The following SEC23B variants were observed in gnomAD, a reference collection of about 807,000 sequenced individuals.
The protein encoded by SEC23B is SEC23 homolog B, COPII component, also known as protein transport protein Sec23B.
SEC23B carries 77 observed loss-of-function variants against 104.3 expected under a neutral mutation model. The ratio of observed to expected loss-of-function variants is 0.74; its 90% CI spans 0.61 to 0.89. The LOEUF (loss-of-function observed/expected upper bound fraction) is 0.89. Among genes scored for constraint, SEC23B ranks in the 40% least tolerant of loss-of-function variants. The pLI, the probability that SEC23B is intolerant of heterozygous loss-of-function variation, is 0.00. For synonymous variants in SEC23B, 338 were observed against 332.5 expected (o/e 1.02, Z -0.18); for missense variants, 885 against 949.4 (o/e 0.93, Z 0.89).
In SEC23B at chr20:18,532,649, A is replaced by T; in HGVS notation, c.1234-15A>T. The T allele has an allele frequency of 6.3e-7, 1 of 1,591,454 alleles. No homozygotes were observed. Among genetic ancestry groups the T allele is most frequent in the Non-Finnish European group, 8.6e-7 (1 of 1,159,266 alleles). ...AAGTGATCTTTAACTTTACACTGTC[A>T]CATATTTGTTATAGACCTCTCGGGA... On this transcript the variant is annotated splice_polypyrimidine_tract_variant and intron_variant, in intron 10 of 19. Transcript: ENST00000650089.
chr20:18,507,830 GA>G (rs977386546), upstream of SEC23B: 4 of 152,532 alleles, frequency 2.6e-5, no homozygotes, highest in African/African-American at 9.6e-5. Flanking sequence ...GTCCGTCGGA[GA>G]AGCGCTCTTT....
At chr20:18,515,316 TTTC>T (rs2060015057) in intron 3 of SEC23B, among the ~76,000 whole-genome samples, 1 of 152,186 alleles carries the variant, frequency 6.6e-6, no homozygotes, top group South Asian at 2.1e-4. Flanking sequence ...TACCATTTTT[TTTC>T]TTCTTTTTTG....
intron 11 of SEC23B, among the ~76,000 whole-genome samples, chr20:18,534,400 G>C (rs1373736539): frequency 6.6e-6 from 1 of 152,190 alleles, no homozygotes; most frequent in African/African-American, 2.4e-5. Flanking sequence ...TAAAGTGAGA[G>C]TCTGGGTTAA....
intron 15 of SEC23B, among the ~76,000 whole-genome samples, chr20:18,548,115 G>C (rs928268628): frequency 1.3e-5 from 2 of 151,690 alleles, no homozygotes; most frequent in Admixed American, 1.3e-4. Flanking sequence ...CCACACCCGG[G>C]TAATTTTGGA....
chr20:18,511,143 G>T (rs1357235955), intron 2 of SEC23B, 87 bp downstream of exon 2: 13 of 1,134,174 alleles, frequency 1.1e-5, no homozygotes, highest in Non-Finnish European at 1.7e-5. Context: ...TTAAATTTGG[G>T]CAGGTCATCA....
chr20:18,528,772 T>C (rs1190780213), intron 9 of SEC23B, among the ~76,000 whole-genome samples: 1 of 152,222 alleles, frequency 6.6e-6, no homozygotes, highest in Non-Finnish European at 1.5e-5. Flanking sequence ...ACTCGGAATG[T>C]CCATAGAAAA....
chr20:18,527,149 A>G (rs759801940), intron 8 of SEC23B, among the ~76,000 whole-genome samples: 2 of 152,200 alleles, frequency 1.3e-5, no homozygotes, highest in African/African-American at 2.4e-5. Context: ...CCTGGGAGGC[A>G]GAGGTTGCAG....
chr20:18,538,249 CTTTTT>C (rs34866001), intron 12 of SEC23B, among the ~76,000 whole-genome samples: 1,184 of 114,624 alleles, frequency 0.01, 9 homozygotes, highest in Middle Eastern at 0.02. Flanking sequence ...CTGGGAATTT[CTTTTT>C]TTTTTTTTTT....
chr20:18,524,384 T>G (rs752953622), intron 4 of SEC23B, 49 bp from the exon 5 acceptor site: 5 of 1,386,050 alleles, frequency 3.6e-6, no homozygotes, highest in South Asian at 1.2e-5. Context: ...AAAGTGCTGG[T>G]TAAGTCTATT....
chr20:18,530,514 C>T (rs1254766374), intron 9 of SEC23B, among the ~76,000 whole-genome samples, 166 bp from the exon 10 acceptor site: 4 of 152,122 alleles, frequency 2.6e-5, no homozygotes, highest in East Asian at 1.9e-4. Context: ...GGATTACAGG[C>T]GTGAGCCACT....
At chr20:18,525,637 G>A (rs1315236844) in intron 6 of SEC23B, 151 bp from the exon 7 acceptor site, 1 of 700,498 alleles carries the variant, frequency 1.4e-6, no homozygotes, top group Admixed American at 2.4e-5. Context: ...ATTGTTTTGT[G>A]TTAGTAGAGA....
chr20:18,555,811 T>A (rs1431344336), intron 19 of SEC23B, among the ~76,000 whole-genome samples: 1 of 152,108 alleles, frequency 6.6e-6, no homozygotes, highest in African/African-American at 2.4e-5. Context: ...ACCGGGATAT[T>A]GAGATTTTTA....
intron 17 of SEC23B, 77 bp from the exon 18 acceptor site, chr20:18,554,158 G>T: frequency 1.3e-6 from 2 of 1,526,898 alleles, no homozygotes; most frequent in Non-Finnish European, 1.8e-6. Context: ...TCTGGGTGGC[G>T]ATGGTAGAAT....
At position 18,515,673 on chromosome 20, in the gene SEC23B, A is replaced by G. The variant is rs1334908047; in HGVS notation, c.303A>G (p.Ile101Met). Residue 101 changes from isoleucine (I) to methionine (M), a missense_variant, in exon 4 of 20, where the codon ATA becomes ATG. Physicochemically the swap from Ile to Met is conservative, Grantham distance 10 (BLOSUM62 1). Coordinates refer to ENST00000650089, the MANE Select transcript of SEC23B (RefSeq NM_006363.6). ...AGTTTCCTCCAGCTTATGGAGGCAT[A>G]TCTGAGGTGAATCAACCTGCCGAAT... is the stretch of plus-strand genomic sequence containing the variant. Reference protein sequence around the residue: ...RNQFPPAYGGISEVNQPAELM... With the variant: ...RNQFPPAYGGMSEVNQPAELM... 6.2e-7 allele frequency: 1 copy of G among 1,610,660 alleles called. No homozygotes were observed. The highest frequency in any genetic ancestry group is 8.5e-7 in the Non-Finnish European group (1 of 1,176,790).
Position 18,555,458 on chromosome 20 carries a change from C to T in SEC23B, c.2214+285C>T, listed in dbSNP as rs78554040. Among the ~76,000 whole-genome samples the T allele has an allele frequency of 3.9e-5, 6 of 152,158 alleles. No individual in the cohort carries two copies. The South Asian group carries it at 6.2e-4, about 16-fold the overall frequency. ...CTGTGGCCTCCATGGTGGTGTCCTC[C>T]GTCACACAGCCTCATGGCCCCTAGT... On this transcript the variant is annotated intron_variant, in intron 19 of 19. Transcript: ENST00000650089.
At chr20:18,555,449 G>A (rs1389273962) in intron 19 of SEC23B, among the ~76,000 whole-genome samples, 17 of 151,774 alleles carry the variant, frequency 1.1e-4, no homozygotes, top group Non-Finnish European at 5.9e-5. Context: ...CCTCCATGGT[G>A]GTGTCCTCCG....
chr20:18,552,244 C>CTTAGGAAGTG (rs2122164925), intron 17 of SEC23B, among the ~76,000 whole-genome samples: 1 of 152,276 alleles, frequency 6.6e-6, no homozygotes, highest in East Asian at 1.9e-4. Context: ...CCTTCAGTAA[C>CTTAGGAAGTG]TTAGGAAGTG....
chr20:18,547,945 AAATTTTT>A (rs1370851547), intron 15 of SEC23B, among the ~76,000 whole-genome samples: 1 of 152,112 alleles, frequency 6.6e-6, no homozygotes, highest in Non-Finnish European at 1.5e-5. Flanking sequence ...ATTTTTTTAA[AAATTTTT>A]AATTTTTAAT....
Position 18,554,373 on chromosome 20 carries a change from G to A in SEC23B, c.2131G>A (p.Glu711Lys). 6.2e-7 allele frequency: 1 copy of A among 1,614,214 alleles called. No homozygotes were observed. Among genetic ancestry groups the A allele is most frequent in the East Asian group, 2.2e-5 (1 of 44,882 alleles). ...CCCGATGCCACGTTACATCAACACGGAGCATGGAGGCAGTCAGGTGAGTGA... is the reference window on the plus strand; with the variant it reads ...CCCGATGCCACGTTACATCAACACGAAGCATGGAGGCAGTCAGGTGAGTGA... ...RFPMPRYINT[E>K]HGGSQARFLL... Residue 711 changes from glutamate to lysine, a missense_variant, in exon 18 of 20, where the codon GAG becomes AAG. By Grantham distance (56) the Glu-to-Lys change is moderately conservative. Transcript: ENST00000650089.
Sources: allele counts gnomAD v4.1 joint callset (sites outside exome capture counted in the v4.1 genomes callset), GRCh38; gene constraint gnomAD v4.1.1; transcripts MANE v1.5; gene names NCBI Gene and HGNC (gene_info 2026-07-23, HGNC 2026-07-21).